The following ELK4 variants were observed in gnomAD, a reference collection of about 807,000 sequenced individuals.
ELK4 encodes the protein ETS transcription factor ELK4, also known as ETS domain-containing protein Elk-4.
ELK4 carries 16 observed loss-of-function variants against 29.6 expected under a neutral mutation model. The ratio of observed to expected loss-of-function variants is 0.54; its 90% CI spans 0.37 to 0.82. The LOEUF (loss-of-function observed/expected upper bound fraction) is 0.82. Ranked by LOEUF, ELK4 falls within the 40% of genes least tolerant of loss-of-function variation. The pLI is 0.00. For missense variants in ELK4, 465 were observed against 507.1 expected (o/e 0.92, Z 0.80); for synonymous variants, 213 against 191.1 (o/e 1.11, Z -0.95).
rs1424592618 is a variant in ELK4, at chr1:205,611,885, G to C, written c.*4661C>G. 2 of 188,352 alleles carry C rather than the reference G, an allele frequency of 1.1e-5. No homozygotes were observed. Among genetic ancestry groups the C allele is most frequent in the Non-Finnish European group, 2.2e-5 (2 of 89,546 alleles). 11.7% of individuals were successfully genotyped at this position (188,352 alleles called of 1,614,324 possible). ...GTTAAAAACAGAACAGACCTATAAA[G>C]AAAAGTATTCCTTTAGTTGCTGAAA... On this transcript the variant is annotated 3_prime_UTR_variant, in exon 5 of 5. Transcript: ENST00000357992.
intron 1 of ELK4, among the ~76,000 whole-genome samples, chr1:205,630,130 C>G (rs956971858): frequency 6.6e-6 from 1 of 151,770 alleles, no homozygotes; most frequent in Non-Finnish European, 1.5e-5. Flanking sequence ...CTTGATTTTC[C>G]TTCTTACAGG....
chr1:205,626,898 CTAAA>C (rs903770917), intron 1 of ELK4, among the ~76,000 whole-genome samples: 1 of 152,160 alleles, frequency 6.6e-6, no homozygotes, highest in African/African-American at 2.4e-5. Context: ...TAGAAACAAA[CTAAA>C]TGTCCGTCAA....
chr1:205,612,692 C>G lies in ELK4; in HGVS notation c.*3854G>C. 1 of 209,260 alleles carries G rather than the reference C, an allele frequency of 4.8e-6. No homozygotes were observed. Among genetic ancestry groups the G allele is most frequent in the Non-Finnish European group, 9.7e-6 (1 of 102,970 alleles). 13.0% of individuals were successfully genotyped at this position (209,260 alleles called of 1,614,324 possible). A position where few individuals can be genotyped will look rare whatever the true frequency, so the allele number is the denominator to read the frequency against. On this transcript the variant is annotated 3_prime_UTR_variant, in exon 5 of 5. Transcript: ENST00000357992. ...GAACTTAAGAATCATAGTAGAAAGT[C>G]AGATCAGGATGAAACAATGTTGTCA...
chr1:205,631,184 A>C (rs1026279704), intron 1 of ELK4, among the ~76,000 whole-genome samples: 1 of 152,206 alleles, frequency 6.6e-6, no homozygotes, highest in Non-Finnish European at 1.5e-5. Flanking sequence ...TCGACACCGG[A>C]TGACTAGCGA....
Position 205,619,039 on chromosome 1 carries a change from G to A in ELK4, c.1115C>T (p.Ser372Phe), listed in dbSNP as rs1056198077. The A allele has an allele frequency of 6.2e-7, 1 of 1,608,192 alleles. No homozygotes were observed. Among genetic ancestry groups the A allele is most frequent in the African/African-American group, 1.3e-5 (1 of 74,706 alleles). ...PIILTPSPLL[S>F]SIHFWSTLSP... Reference sequence around the variant, plus strand: ...GAGAGTACTCCAGAAGTGGATACTGGAGAGCAAGGGGCTTGGAGTCAGTAT... The same window carrying A: ...GAGAGTACTCCAGAAGTGGATACTGAAGAGCAAGGGGCTTGGAGTCAGTAT... Residue 372 changes from serine (S) to phenylalanine (F), a missense_variant, in exon 4 of 5, where the codon TCC (serine) becomes TTC (phenylalanine). Physicochemically the swap from Ser to Phe is radical, Grantham distance 155. Transcript: ENST00000357992.
rs1330854412 is a variant in ELK4 at position 205,616,025 on chromosome 1, G to C, written c.*521C>G. ...CTCCAATCTTACTTTGTATGAATAG[G>C]AATGATTCTTCTTCTTCCACTGCTT... On this transcript the variant is annotated 3_prime_UTR_variant, in exon 5 of 5. Coordinates refer to ENST00000357992, the MANE Select transcript of ELK4 (RefSeq NM_001973.4). The C allele has an allele frequency of 4.4e-6, 1 of 225,260 alleles. No individual in the cohort carries two copies. Among genetic ancestry groups the C allele is most frequent in the African/African-American group, 2.2e-5 (1 of 44,790 alleles). 14.0% of individuals were successfully genotyped at this position (225,260 alleles called of 1,614,324 possible).
Position 205,611,817 on chromosome 1 carries a change from T to C in ELK4, c.*4729A>G, listed in dbSNP as rs1237629778. On this transcript the variant is annotated 3_prime_UTR_variant, in exon 5 of 5. Transcript: ENST00000357992. ...TAAGAATGGCACCTAAGCACGATTC[T>C]AGACTCCTGGCACGGGTAAATAAAA... The C allele has an allele frequency of 5.2e-6, 1 of 193,028 alleles. No individual in the cohort carries two copies. The highest frequency in any genetic ancestry group is 2.3e-5 in the African/African-American group (1 of 43,090). The allele number at this position is 193,028 out of a possible 1,614,324, so 12.0% of individuals were successfully genotyped here. A position where few individuals can be genotyped will look rare whatever the true frequency, so the allele number is the denominator to read the frequency against.
rs1016972012 is a variant in ELK4, at chr1:205,616,324, G to C, written c.*222C>G. 6 of 425,076 alleles carry C rather than the reference G, an allele frequency of 1.4e-5. No homozygotes were observed. The highest frequency in any genetic ancestry group is 2.6e-5 in the Non-Finnish European group (6 of 234,412). The allele number at this position is 425,076 out of a possible 1,614,324, so 26.3% of individuals were successfully genotyped here. The stretch of plus-strand genomic sequence containing the variant: ...AAGAAAAAGAAAAGGAAAAGACAGA[G>C]GGAGGTGGAGTTTAGACTCCAATTA... On this transcript the variant is annotated 3_prime_UTR_variant, in exon 5 of 5. Transcript: ENST00000357992.
chr1:205,627,278 G>A (rs1013467186), intron 1 of ELK4, among the ~76,000 whole-genome samples: 2 of 152,158 alleles, frequency 1.3e-5, no homozygotes, highest in Non-Finnish European at 2.9e-5. Flanking sequence ...GGGAGGCCGA[G>A]GTGGGCTGAT....
chr1:205,608,140 T>C lies in ELK4; in HGVS notation c.*8406A>G, dbSNP rs1670101039. On this transcript the variant is annotated 3_prime_UTR_variant, in exon 5 of 5. Transcript: ENST00000357992. Reference sequence around the variant, plus strand: ...AAATAGATTTTTAAAAATGTATATCTTTCCTAAAAGATGCATATCACCATT... The same window carrying C: ...AAATAGATTTTTAAAAATGTATATCCTTCCTAAAAGATGCATATCACCATT... 5.4e-6 allele frequency: 1 copy of C among 186,430 alleles called. No individual in the cohort carries two copies. The highest frequency in any genetic ancestry group is 2.3e-5 in the African/African-American group (1 of 42,780). 11.5% of individuals were successfully genotyped at this position (186,430 alleles called of 1,614,324 possible). A position where few individuals can be genotyped will look rare whatever the true frequency, so the allele number is the denominator to read the frequency against.
In ELK4 at chr1:205,609,594, G is replaced by GT. The variant is rs1383597184; in HGVS notation, c.*6951dup. On this transcript the variant is annotated 3_prime_UTR_variant, in exon 5 of 5. Coordinates refer to ENST00000357992, the MANE Select transcript of ELK4 (RefSeq NM_001973.4). ...CTACTCTACCACTTAAACAATAAAT[G>GT]TAAGCAATGAATGTACATACAAAGG... The GT allele has an allele frequency of 1.0e-5, 2 of 200,154 alleles. No individual in the cohort carries two copies. Among genetic ancestry groups the GT allele is most frequent in the Admixed American group, 6.0e-5 (1 of 16,584 alleles). The allele number at this position is 200,154 out of a possible 1,614,324, so 12.4% of individuals were successfully genotyped here.
Position 205,613,790 on chromosome 1 carries a change from G to A in ELK4, c.*2756C>T. The stretch of plus-strand genomic sequence containing the variant: ...GATGTCTCAAAACCCCATTCAATCT[G>A]CTCCCCTTCCGTAACTTAGGCTACT... On this transcript the variant is annotated 3_prime_UTR_variant, in exon 5 of 5. Transcript: ENST00000357992. 1 of 192,942 alleles carries A rather than the reference G, an allele frequency of 5.2e-6. No homozygotes were observed. Among genetic ancestry groups the A allele is most frequent in the East Asian group, 8.1e-5 (1 of 12,382 alleles). 12.0% of individuals were successfully genotyped at this position (192,942 alleles called of 1,614,324 possible).
intron 2 of ELK4, among the ~76,000 whole-genome samples, chr1:205,623,005 A>T (rs1034151377): frequency 2.6e-5 from 4 of 151,760 alleles, no homozygotes; most frequent in African/African-American, 9.7e-5. Flanking sequence ...TAAATAATAA[A>T]AAATTAGCTG....
At chr1:205,621,082 C>A (rs1025176062) in intron 2 of ELK4, among the ~76,000 whole-genome samples, 3 of 150,720 alleles carry the variant, frequency 2.0e-5, no homozygotes, top group Admixed American at 6.6e-5. Context: ...GTAGTCCCAG[C>A]TACTCAGGAG....
rs1300871568 is a variant in ELK4, at chr1:205,623,681, C to T, written c.202G>A (p.Val68Ile). 6.2e-7 allele frequency: 1 copy of T among 1,613,912 alleles called. No homozygotes were observed. The highest frequency in any genetic ancestry group is 8.5e-7 in the Non-Finnish European group (1 of 1,179,988). ...AAGATCAGGATGTGTACTACCTTTA[C>T]ATAATAGTATCTGAGGGCTCGGCTG... is the stretch of plus-strand genomic sequence containing the variant. ...KLSRALRYYYVKNIIKKVNGQ... is the reference protein window; with the variant it reads ...KLSRALRYYYIKNIIKKVNGQ... The change falls in exon 2 of 5, where the codon GTA (valine) becomes ATA (isoleucine). Residue 68 changes from valine (V) to isoleucine (I), a missense_variant. Val to Ile is a conservative substitution (Grantham distance 29). Coordinates refer to ENST00000357992, the MANE Select transcript of ELK4 (RefSeq NM_001973.4).
chr1:205,631,148 G>A (rs1670575980), intron 1 of ELK4, among the ~76,000 whole-genome samples: 1 of 152,156 alleles, frequency 6.6e-6, no homozygotes, highest in Non-Finnish European at 1.5e-5. Flanking sequence ...GGGGCCGCTG[G>A]AGCGAAAGAG....
intron 1 of ELK4, among the ~76,000 whole-genome samples, chr1:205,626,931 A>T (rs184536983): frequency 2.0e-5 from 3 of 152,326 alleles, no homozygotes; most frequent in African/African-American, 7.2e-5. Context: ...TGGATAAATA[A>T]TATGTGGCAC....
At chr1:205,622,438 A>G (rs1404598584) in intron 2 of ELK4, among the ~76,000 whole-genome samples, 3 of 152,184 alleles carry the variant, frequency 2.0e-5, no homozygotes, top group Non-Finnish European at 4.4e-5. Flanking sequence ...CAGGGTTCTC[A>G]TGGAGTGCAG....
intron 4 of ELK4, among the ~76,000 whole-genome samples, chr1:205,617,845 G>C (rs536429226): frequency 6.6e-6 from 1 of 152,142 alleles, no homozygotes; most frequent in African/African-American, 2.4e-5. Context: ...AGGTTGCAGT[G>C]AGCTGAGATC....
Sources: allele counts gnomAD v4.1 joint callset (sites outside exome capture counted in the v4.1 genomes callset), GRCh38; gene constraint gnomAD v4.1.1; transcripts MANE v1.5; gene names NCBI Gene and HGNC (gene_info 2026-07-23, HGNC 2026-07-21).